ARIH1: variants seen among roughly 807,000 people sequenced by gnomAD.
ARIH1 encodes the protein E3 ubiquitin-protein ligase ARIH1.
A neutral mutation model predicts 85.0 loss-of-function variants in ARIH1; 8 were observed. That is an observed-to-expected ratio of 0.09 (90% CI 0.06 to 0.17). The LOEUF (loss-of-function observed/expected upper bound fraction) is 0.17, where lower values mean the gene tolerates loss of function less well. Ranked by LOEUF, ARIH1 falls within the 10% of genes least tolerant of loss-of-function variation. The pLI is 1.00. For missense variants in ARIH1, 311 were observed against 718.1 expected, an observed-to-expected ratio of 0.43 and a Z score of 6.48; for synonymous variants, 238 against 253.6, an observed-to-expected ratio of 0.94 and a Z score of 0.59.
At position 72,588,570 on chromosome 15, in the gene ARIH1, T is replaced by C. The variant is rs987645270; in HGVS notation, c.*5278T>C. 1.3e-5 allele frequency: 2 copies of C among 152,132 alleles called. No homozygotes were observed. The highest frequency in any genetic ancestry group is 4.8e-5 in the African/African-American group (2 of 41,426). 9.4% of individuals were successfully genotyped at this position (152,132 alleles called of 1,614,324 possible). A position where few individuals can be genotyped will look rare whatever the true frequency, so the allele number is the denominator to read the frequency against. On this transcript the variant is annotated 3_prime_UTR_variant, in exon 14 of 14. Coordinates refer to ENST00000379887, the MANE Select transcript of ARIH1 (RefSeq NM_005744.5). ...GCCTTCTATAGTTGCAAAAAGAGAA[T>C]ATAGGCGAGCAACTCCAGATCATAA...
At chr15:72,571,688 A>T (rs1378641217) in intron 10 of ARIH1, among the ~76,000 whole-genome samples, 2 of 152,236 alleles carry the variant, frequency 1.3e-5, no homozygotes, top group South Asian at 4.1e-4. Flanking sequence ...AAAATTAGAA[A>T]TATTTGGCTT....
rs906480954 is a variant in ARIH1, at chr15:72,498,023, A to AT, written c.376-20036dup. The stretch of plus-strand genomic sequence containing the variant: ...TTAAAATGTTTTGGGTTTTTTAAAG[A>AT]TTTTTTTTCAGCTGGTCTTGGAAAC... On this transcript the variant is annotated intron_variant, in intron 1 of 13. Transcript: ENST00000379887. Among the ~76,000 whole-genome samples, 6 of 152,014 alleles carry AT rather than the reference A, an allele frequency of 3.9e-5. No homozygotes were observed. The South Asian group carries it at 8.3e-4, about 21-fold the overall frequency.
chr15:72,495,407 C>T (rs1233960520), intron 1 of ARIH1, among the ~76,000 whole-genome samples: 3 of 152,146 alleles, frequency 2.0e-5, no homozygotes, highest in Non-Finnish European at 2.9e-5. Context: ...TCAGTATTCC[C>T]CATTTGTCCA....
At chr15:72,557,078 C>T (rs2064177589) in intron 5 of ARIH1, among the ~76,000 whole-genome samples, 1 of 151,752 alleles carries the variant, frequency 6.6e-6, no homozygotes. Flanking sequence ...TGTGATCTCA[C>T]CAACATCTGT....
intron 1 of ARIH1, among the ~76,000 whole-genome samples, chr15:72,486,236 T>C (rs566512257): frequency 1.3e-5 from 2 of 152,248 alleles, no homozygotes; most frequent in African/African-American, 4.8e-5. Flanking sequence ...AGTCTGAAAA[T>C]ATTAAATAGA....
intron 1 of ARIH1, among the ~76,000 whole-genome samples, chr15:72,490,416 G>A (rs962928286): frequency 2.6e-5 from 4 of 152,108 alleles, no homozygotes. Flanking sequence ...ATTGGCAGCG[G>A]CATTAGATTC....
chr15:72,580,546 A>G (rs903194922), intron 11 of ARIH1, 185 bp from the exon 12 acceptor site: 18 of 610,356 alleles, frequency 2.9e-5, no homozygotes, highest in African/African-American at 3.7e-5. Context: ...TTACATTCCC[A>G]TCAACAGTGT....
At position 72,567,162 on chromosome 15, in the gene ARIH1, T is replaced by C. The variant is rs1009146221; in HGVS notation, c.1011T>C (p.Ile337=). 1.2e-6 allele frequency: 2 copies of C among 1,611,608 alleles called. No individual in the cohort carries two copies. The change falls in exon 9 of 14, where the codon ATT becomes ATC. Residue 337 remains isoleucine, a synonymous_variant. Coordinates refer to ENST00000379887, the MANE Select transcript of ARIH1 (RefSeq NM_005744.5). ...ATGACAGTGAAACCTCCAATTGGATTGCAGCCAACACAAAGGTTGGTGTTT... is the reference window on the plus strand; with the variant it reads ...ATGACAGTGAAACCTCCAATTGGATCGCAGCCAACACAAAGGTTGGTGTTT... The part of the protein sequence containing the change: ...CDDDSETSNW[I]AANTKECPKC...
At chr15:72,555,517 G>A (rs1287613211) in intron 4 of ARIH1, among the ~76,000 whole-genome samples, 154 bp downstream of exon 4, 1 of 152,204 alleles carries the variant, frequency 6.6e-6, no homozygotes, top group Admixed American at 6.5e-5. Flanking sequence ...CTAAAGTAAT[G>A]TGGCATTCCA....
At position 72,474,843 on chromosome 15, in the gene ARIH1, T is replaced by A. The variant is rs763633289; in HGVS notation, c.204T>A (p.Gly68=). ...GACTGCTGTGCGGGGAGACGGGCGGTGGCGGCGGCAGCGCTCTGGGGCCCG... is the reference window on the plus strand; with the variant it reads ...GACTGCTGTGCGGGGAGACGGGCGGAGGCGGCGGCAGCGCTCTGGGGCCCG... ...RDGLLCGETG[G]GGGSALGPGG... The change falls in exon 1 of 14, where the codon GGT becomes GGA. Residue 68 remains glycine (G), a synonymous_variant. Transcript: ENST00000379887. The A allele has an allele frequency of 7.3e-7, 1 of 1,377,770 alleles. No individual in the cohort carries two copies. The highest frequency in any genetic ancestry group is 2.1e-5 in the South Asian group (1 of 47,450). 85.3% of individuals were successfully genotyped at this position (1,377,770 alleles called of 1,614,324 possible).
chr15:72,560,649 G>A (rs2064193691), intron 5 of ARIH1, among the ~76,000 whole-genome samples: 1 of 152,158 alleles, frequency 6.6e-6, no homozygotes, highest in African/African-American at 2.4e-5. Flanking sequence ...ACTGTTTTGA[G>A]GAAATACAAG....
chr15:72,533,188 G>A (rs939587329), intron 2 of ARIH1, among the ~76,000 whole-genome samples: 31 of 152,182 alleles, frequency 2.0e-4, no homozygotes, highest in African/African-American at 7.5e-4. Flanking sequence ...GGGTGCAGTG[G>A]TGAGATCATG....
intron 1 of ARIH1, among the ~76,000 whole-genome samples, chr15:72,500,654 A>T (rs907614596): frequency 2.6e-5 from 4 of 152,238 alleles, no homozygotes; most frequent in African/African-American, 9.6e-5. Flanking sequence ...AAAGATTGAG[A>T]GGTGCATGTA....
chr15:72,513,729 TTCCCTCCCTCCCCC>T (rs2063960574), intron 1 of ARIH1, among the ~76,000 whole-genome samples: 1 of 4,406 alleles, frequency 2.3e-4, no homozygotes, highest in Non-Finnish European at 3.9e-4. Context: ...CTGTCCCTCC[TTCCCTCCCTCCCCC>T]TCCCTCCCTC....
rs771047995 is a variant in ARIH1, at chr15:72,563,465, T to C, written c.876T>C (p.Ala292=). Residue 292 remains alanine, a synonymous_variant, in exon 7 of 14, where the codon GCT becomes GCC. Coordinates refer to ENST00000379887, the MANE Select transcript of ARIH1 (RefSeq NM_005744.5). ...TTGTTAAAGTCCAATATCCTGATGC[T>C]AAACCTGTTCGCTGCAAATGTGGGC... The part of the protein sequence containing the change: ...HHVVKVQYPD[A]KPVRCKCGRQ... The C allele has an allele frequency of 1.2e-6, 2 of 1,614,144 alleles. No individual in the cohort carries two copies. The highest frequency in any genetic ancestry group is 1.6e-4 in the Middle Eastern group (1 of 6,062).
At chr15:72,525,699 C>T (rs1595861353) in intron 2 of ARIH1, among the ~76,000 whole-genome samples, 1 of 152,142 alleles carries the variant, frequency 6.6e-6, no homozygotes, top group Non-Finnish European at 1.5e-5. Context: ...GTGCCCAGTC[C>T]CTTTCCATTA....
chr15:72,482,908 T>G lies in ARIH1; in HGVS notation c.375+7894T>G, dbSNP rs540482872. ...CAGGCTGGAGTGCAATGGCATAATC[T>G]CGGCTCATTGCAACCCTCACCTCTT... On this transcript the variant is annotated intron_variant, in intron 1 of 13. Coordinates refer to ENST00000379887, the MANE Select transcript of ARIH1 (RefSeq NM_005744.5). 1.0e-4 allele frequency among the ~76,000 whole-genome samples: 15 copies of G among 150,414 alleles called. No individual in the cohort carries two copies. The South Asian group carries it at 3.0e-3, about 30-fold the overall frequency.
At position 72,583,403 on chromosome 15, in the gene ARIH1, G is replaced by A; in HGVS notation, c.*111G>A. 2 of 725,928 alleles carry A rather than the reference G, an allele frequency of 2.8e-6. No individual in the cohort carries two copies. Among genetic ancestry groups the A allele is most frequent in the South Asian group, 2.0e-5 (1 of 50,750 alleles). The allele number at this position is 725,928 out of a possible 1,614,324, so 45.0% of individuals were successfully genotyped here. On this transcript the variant is annotated 3_prime_UTR_variant, in exon 14 of 14. Transcript: ENST00000379887. ...GCACTAAGCCTATTCTGACACCACT[G>A]GTCTGTAGTACCAGAATTGTTTTGT... is the stretch of plus-strand genomic sequence containing the variant.
chr15:72,566,266 A>G, intron 7 of ARIH1: 1 of 342,362 alleles, frequency 2.9e-6, no homozygotes, highest in South Asian at 5.9e-5. Flanking sequence ...GCATGGGTTG[A>G]AACTTCTCAA....
Sources: gnomAD v4.1 joint callset for allele counts (sites outside exome capture counted in the v4.1 genomes callset) on GRCh38, gnomAD v4.1.1 for gene constraint, MANE v1.5 for transcripts, NCBI Gene and HGNC (gene_info 2026-07-23, HGNC 2026-07-21) for gene names.